BORCS5: variants seen among roughly 807,000 people sequenced by gnomAD.
BORCS5 encodes BLOC-1 related complex subunit 5.
Under a neutral mutation model 22.1 loss-of-function variants are expected in BORCS5, and 17 were observed. That is an observed-to-expected ratio of 0.77 (90% CI 0.53 to 1.15). The LOEUF (loss-of-function observed/expected upper bound fraction) is 1.15, where lower values mean the gene tolerates loss of function less well. Among genes scored for constraint, BORCS5 ranks in the 50% most tolerant of loss-of-function variants. BORCS5 has a pLI of 0.00. For missense variants in BORCS5, 247 were observed against 253.2 expected (o/e 0.98, Z 0.17); for synonymous variants, 117 against 99.8 (o/e 1.17, Z -1.03).
At chr12:12,429,444 G>A (rs1403242780) in intron 2 of BORCS5, among the ~76,000 whole-genome samples, 3 of 152,118 alleles carry the variant, frequency 2.0e-5, no homozygotes, top group Non-Finnish European at 4.4e-5. Flanking sequence ...GCTATGACCC[G>A]GGGCAGGATT....
At chr12:12,401,669 A>G (rs971912987) in intron 2 of BORCS5, among the ~76,000 whole-genome samples, 2 of 152,186 alleles carry the variant, frequency 1.3e-5, no homozygotes, top group Admixed American at 6.5e-5. Context: ...TATGTAAAGT[A>G]TACATTTACT....
chr12:12,375,001 G>GCTTTT (rs1297561898), intron 2 of BORCS5, among the ~76,000 whole-genome samples: 4 of 151,482 alleles, frequency 2.6e-5, no homozygotes, highest in Non-Finnish European at 5.9e-5. Flanking sequence ...GGAATATACT[G>GCTTTT]CTTTTCTTTT....
chr12:12,429,504 G>T (rs1313827629), intron 2 of BORCS5, among the ~76,000 whole-genome samples: 1 of 152,238 alleles, frequency 6.6e-6, no homozygotes, highest in Non-Finnish European at 1.5e-5. Context: ...ACATTCTGAG[G>T]ATAGAGTCAT....
chr12:12,446,196 A>G (rs945145696), intron 3 of BORCS5, among the ~76,000 whole-genome samples: 1 of 148,814 alleles, frequency 6.7e-6, no homozygotes, highest in Non-Finnish European at 1.5e-5. Context: ...TCCATTGTGG[A>G]CACAGACAAT....
At chr12:12,388,492 A>T (rs945122862) in intron 2 of BORCS5, among the ~76,000 whole-genome samples, 1 of 151,542 alleles carries the variant, frequency 6.6e-6, no homozygotes. Context: ...TAAGGAAGAT[A>T]AATCTCATTA....
At position 12,464,321 on chromosome 12, in the gene BORCS5, C is replaced by G. The variant is rs114006998; in HGVS notation, c.361-1225C>G. Reference sequence around the variant, plus strand: ...CAACACTGATGTGCTTCGGTCGCCTCCCGCCCCTCCTGCCCTCCCCACAGA... The same window carrying G: ...CAACACTGATGTGCTTCGGTCGCCTGCCGCCCCTCCTGCCCTCCCCACAGA... On this transcript the variant is annotated intron_variant, in intron 3 of 3. Coordinates refer to ENST00000314565, the MANE Select transcript of BORCS5 (RefSeq NM_058169.6). Among the ~76,000 whole-genome samples, 544 of 152,240 alleles carry G rather than the reference C, an allele frequency of 3.6e-3. 3 individuals are homozygous for G. Among genetic ancestry groups the G allele is most frequent in the African/African-American group, 0.012 (497 of 41,546 alleles).
At chr12:12,427,707 G>A (rs1942324824) in intron 2 of BORCS5, among the ~76,000 whole-genome samples, 2 of 152,188 alleles carry the variant, frequency 1.3e-5, no homozygotes, top group Non-Finnish European at 2.9e-5. Context: ...AGTTCTGGTG[G>A]CTGGGAAATC....
chr12:12,388,699 A>G lies in BORCS5; in HGVS notation c.202+27350A>G, dbSNP rs1276313261. Among the ~76,000 whole-genome samples, 4 of 150,164 alleles carry G rather than the reference A, an allele frequency of 2.7e-5. 1 individual carries two copies. Among genetic ancestry groups the G allele is most frequent in the East Asian group, 1.9e-4 (1 of 5,186 alleles). On this transcript the variant is annotated intron_variant, in intron 2 of 3. Coordinates refer to ENST00000314565, the MANE Select transcript of BORCS5 (RefSeq NM_058169.6). Reference sequence around the variant, plus strand: ...TAAGAAAAGGTAACAGCCATCTGTGAGTCTGGTCTGAGGACCAGAGGATGG... The same window carrying G: ...TAAGAAAAGGTAACAGCCATCTGTGGGTCTGGTCTGAGGACCAGAGGATGG...
At position 12,413,956 on chromosome 12, in the gene BORCS5, G is replaced by A. The variant is rs1182184115; in HGVS notation, c.203-21672G>A. On this transcript the variant is annotated intron_variant, in intron 2 of 3. Coordinates refer to ENST00000314565, the MANE Select transcript of BORCS5 (RefSeq NM_058169.6). The stretch of plus-strand genomic sequence containing the variant: ...GGGCTGACCCCCCCACCTCCCTCCC[G>A]GACGGGGCGGCTGGCCGGGCAGAGG... Among the ~76,000 whole-genome samples, 6 of 53,902 alleles carry A rather than the reference G, an allele frequency of 1.1e-4. 1 individual carries two copies. The highest frequency in any genetic ancestry group is 8.6e-4 in the Admixed American group (6 of 6,994). The allele number at this position is 53,902 out of a possible 152,430, so 35.4% of individuals were successfully genotyped here.
intron 3 of BORCS5, among the ~76,000 whole-genome samples, chr12:12,438,385 A>ATAAAAACAC (rs1257519800): frequency 7.9e-6 from 1 of 126,112 alleles, no homozygotes; most frequent in African/African-American, 3.3e-5. Flanking sequence ...AAAAAACGAA[A>ATAAAAACAC]AACAACAACA....
At chr12:12,455,578 G>A (rs1026665370) in intron 3 of BORCS5, among the ~76,000 whole-genome samples, 2 of 152,052 alleles carry the variant, frequency 1.3e-5, no homozygotes, top group African/African-American at 2.4e-5. Context: ...TTAGGAGTTC[G>A]AGACCACCTG....
chr12:12,374,656 C>G (rs1863608206), intron 2 of BORCS5, among the ~76,000 whole-genome samples: 1 of 149,734 alleles, frequency 6.7e-6, no homozygotes, highest in African/African-American at 2.5e-5. Flanking sequence ...ATAAAAGATG[C>G]CAAAAAGAAT....
intron 2 of BORCS5, among the ~76,000 whole-genome samples, chr12:12,394,695 T>C (rs1266994469): frequency 6.6e-6 from 1 of 151,988 alleles, no homozygotes; most frequent in Non-Finnish European, 1.5e-5. Context: ...CAATCTAGTA[T>C]AGAAAACAAA....
chr12:12,417,298 A>T (rs975881460), intron 2 of BORCS5, among the ~76,000 whole-genome samples: 2 of 151,978 alleles, frequency 1.3e-5, no homozygotes, highest in African/African-American at 4.8e-5. Context: ...TAGATTTCTA[A>T]CTTCATTCTA....
chr12:12,444,228 A>G (rs894019942), intron 3 of BORCS5, among the ~76,000 whole-genome samples: 2 of 152,254 alleles, frequency 1.3e-5, no homozygotes, highest in African/African-American at 4.8e-5. Context: ...GGGTTGCATT[A>G]GGTAGAGTAA....
At chr12:12,415,047 C>T (rs541775898) in intron 2 of BORCS5, among the ~76,000 whole-genome samples, 2 of 146,004 alleles carry the variant, frequency 1.4e-5, no homozygotes, top group South Asian at 2.2e-4. Flanking sequence ...CGGGCGGAGA[C>T]GCTCCTCACT....
At chr12:12,425,096 G>A (rs1942246591) in intron 2 of BORCS5, among the ~76,000 whole-genome samples, 1 of 152,136 alleles carries the variant, frequency 6.6e-6, no homozygotes, top group African/African-American at 2.4e-5. Context: ...AGAGGACAGG[G>A]TCCTTTTCTC....
At chr12:12,368,606 A>AT (rs563081728) in intron 2 of BORCS5, among the ~76,000 whole-genome samples, 1,613 of 140,590 alleles carry the variant, frequency 0.011, 17 homozygotes, top group African/African-American at 0.023. Flanking sequence ...CACCTGGCTA[A>AT]TTTTTTTTTT....
chr12:12,407,706 T>G (rs1013895292), intron 2 of BORCS5, among the ~76,000 whole-genome samples: 25 of 149,096 alleles, frequency 1.7e-4, no homozygotes, highest in Non-Finnish European at 3.1e-4. Context: ...ACTATTCTTT[T>G]TGTTTTTTTT....
Sources: gnomAD v4.1 joint callset for allele counts (sites outside exome capture counted in the v4.1 genomes callset) on GRCh38, gnomAD v4.1.1 for gene constraint, MANE v1.5 for transcripts, NCBI Gene and HGNC (gene_info 2026-07-23, HGNC 2026-07-21) for gene names.